Variants in MDGA2 observed in about 807,000 individuals in gnomAD.
The protein encoded by MDGA2 is MAM domain-containing glycosylphosphatidylinositol anchor protein 2.
A neutral mutation model predicts 117.8 loss-of-function variants in MDGA2; 40 were observed. The ratio of observed to expected loss-of-function variants is 0.34; its 90% CI spans 0.26 to 0.44. The LOEUF (loss-of-function observed/expected upper bound fraction) is 0.44, where lower values mean the gene tolerates loss of function less well. MDGA2 is among the 20% of genes least tolerant of loss of function. The pLI is 1.00. For missense variants in MDGA2, 1,123 were observed against 1,250.6 expected, an observed-to-expected ratio of 0.90 and a Z score of 1.54; for synonymous variants, 452 against 439.0, an observed-to-expected ratio of 1.03 and a Z score of -0.37.
intron 1 of MDGA2, among the ~76,000 whole-genome samples, chr14:47,437,279 A>G (rs10136665): frequency 0.39 from 59,928 of 151,912 alleles, 11,855 homozygotes; most frequent in South Asian, 0.56. Context: ...AGATATCTCA[A>G]CTAGAGAATA....
At chr14:47,070,933 C>T (rs1281793103) in intron 6 of MDGA2, among the ~76,000 whole-genome samples, 3 of 152,178 alleles carry the variant, frequency 2.0e-5, no homozygotes, top group Non-Finnish European at 4.4e-5. Flanking sequence ...TATTAGTTCA[C>T]CCAGCATTTA....
intron 1 of MDGA2, among the ~76,000 whole-genome samples, chr14:47,656,906 T>C (rs181830806): frequency 1.2e-3 from 184 of 152,264 alleles, no homozygotes; most frequent in African/African-American, 1.7e-3. Context: ...CCTCAAACTA[T>C]AGAGCGTCAC....
chr14:47,019,581 C>T (rs1244340580), intron 8 of MDGA2, among the ~76,000 whole-genome samples: 1 of 151,996 alleles, frequency 6.6e-6, no homozygotes, highest in Non-Finnish European at 1.5e-5. Context: ...CGGTAGCTCA[C>T]GCCTGTAATC....
intron 3 of MDGA2, among the ~76,000 whole-genome samples, chr14:47,172,898 C>T (rs949006077): frequency 2.0e-5 from 3 of 151,780 alleles, no homozygotes; most frequent in Non-Finnish European, 2.9e-5. Flanking sequence ...TTAAAAACTT[C>T]GAAAAAAATT....
chr14:47,211,281 G>T (rs1377807224), intron 3 of MDGA2, among the ~76,000 whole-genome samples: 1 of 152,016 alleles, frequency 6.6e-6, no homozygotes, highest in African/African-American at 2.4e-5. Flanking sequence ...AATGGTGAGG[G>T]GTCTGATATT....
intron 1 of MDGA2, among the ~76,000 whole-genome samples, chr14:47,435,869 G>C (rs1350225924): frequency 1.3e-5 from 2 of 152,044 alleles, no homozygotes. Context: ...CTATGAATCT[G>C]GCAGAACGTG....
At chr14:47,456,554 C>T (rs1893358942) in intron 1 of MDGA2, among the ~76,000 whole-genome samples, 1 of 151,750 alleles carries the variant, frequency 6.6e-6, no homozygotes, top group African/African-American at 2.4e-5. Flanking sequence ...CCACCCATCT[C>T]GGCCTCCCAA....
intron 10 of MDGA2, among the ~76,000 whole-genome samples, chr14:46,913,900 T>C (rs1309348143): frequency 2.0e-5 from 3 of 152,126 alleles, no homozygotes; most frequent in Non-Finnish European, 4.4e-5. Context: ...TTTTATTGAC[T>C]GAATGGGAGA....
intron 14 of MDGA2, among the ~76,000 whole-genome samples, chr14:46,858,428 C>CTTTTTTTTTTTTTTTTTTTTTTTT (rs71112466): frequency 8.1e-6 from 1 of 123,802 alleles, no homozygotes; most frequent in African/African-American, 3.2e-5. Context: ...TTCTTTTTTT[C>CTTTTTTTTTTTTTTTTTTTTTTTT]TTTTTTTTTT....
At chr14:47,355,174 C>A (rs1425253995) in intron 1 of MDGA2, among the ~76,000 whole-genome samples, 1 of 152,144 alleles carries the variant, frequency 6.6e-6, no homozygotes, top group East Asian at 1.9e-4. Context: ...TTCTTTTACA[C>A]ATCAGAGAAG....
chr14:47,067,873 C>A (rs1168409451), intron 6 of MDGA2, among the ~76,000 whole-genome samples: 1 of 152,080 alleles, frequency 6.6e-6, no homozygotes, highest in African/African-American at 2.4e-5. Context: ...TGGATATGAG[C>A]AGGGAGGTCT....
intron 8 of MDGA2, among the ~76,000 whole-genome samples, chr14:46,992,549 T>C (rs534787448): frequency 1.6e-4 from 25 of 152,310 alleles, no homozygotes; most frequent in Non-Finnish European, 3.2e-4. Flanking sequence ...TCATTTATGC[T>C]TAAATTTATT....
intron 3 of MDGA2, among the ~76,000 whole-genome samples, chr14:47,199,785 T>C (rs552011926): frequency 6.6e-6 from 1 of 152,190 alleles, no homozygotes; most frequent in Non-Finnish European, 1.5e-5. Context: ...TCAGATCAAT[T>C]TGCAAAGAAT....
chr14:47,523,246 G>A (rs970673171), intron 1 of MDGA2, among the ~76,000 whole-genome samples: 43 of 152,108 alleles, frequency 2.8e-4, no homozygotes, highest in Non-Finnish European at 5.0e-4. Flanking sequence ...CAAAACACCC[G>A]GTAAGTACAC....
intron 1 of MDGA2, among the ~76,000 whole-genome samples, chr14:47,524,358 C>A (rs1228712396): frequency 6.6e-6 from 1 of 152,118 alleles, no homozygotes; most frequent in African/African-American, 2.4e-5. Context: ...CTTATTTGAT[C>A]ACTTCACGCC....
At chr14:47,579,042 C>A (rs968326714) in intron 1 of MDGA2, among the ~76,000 whole-genome samples, 4 of 151,962 alleles carry the variant, frequency 2.6e-5, no homozygotes, top group Non-Finnish European at 5.9e-5. Flanking sequence ...ATACAAATAT[C>A]TTAAATATAT....
chr14:47,059,293 C>T (rs948859900), intron 7 of MDGA2: 2 of 1,261,468 alleles, frequency 1.6e-6, no homozygotes, highest in South Asian at 1.2e-5. Context: ...TATGGAGAAA[C>T]CACATCTATC....
At chr14:47,221,670 A>G (rs1417568309) in intron 2 of MDGA2, among the ~76,000 whole-genome samples, 2 of 138,042 alleles carry the variant, frequency 1.4e-5, no homozygotes, top group African/African-American at 5.6e-5. Context: ...GCGGGGTGAC[A>G]GAGCGAGACT....
At chr14:47,287,632 C>T (rs901332378) in intron 2 of MDGA2, among the ~76,000 whole-genome samples, 1 of 151,892 alleles carries the variant, frequency 6.6e-6, no homozygotes, top group African/African-American at 2.4e-5. Flanking sequence ...TTAAAGGTAG[C>T]CTTAGAATTT....
Sources: gnomAD v4.1 joint callset for allele counts (sites outside exome capture counted in the v4.1 genomes callset) on GRCh38, gnomAD v4.1.1 for gene constraint, MANE v1.5 for transcripts, NCBI Gene and HGNC (gene_info 2026-07-23, HGNC 2026-07-21) for gene names.